ADGRV1: variants seen among roughly 807,000 people sequenced by gnomAD.
The protein encoded by ADGRV1 is G-protein coupled receptor 98.
In ADGRV1, 359 loss-of-function variants were observed where a neutral mutation model predicts 596.2. That is an observed-to-expected ratio of 0.60 (90% CI 0.55 to 0.66). The LOEUF (loss-of-function observed/expected upper bound fraction) is 0.66, where lower values mean the gene tolerates loss of function less well. Ranked by LOEUF, ADGRV1 falls within the 30% of genes least tolerant of loss-of-function variation. The probability of loss-of-function intolerance (pLI) is 0.00; values close to 1 mark genes in which losing one functional copy is unlikely to be tolerated. For synonymous variants in ADGRV1, 2,681 were observed against 2,679.2 expected, an observed-to-expected ratio of 1.00 and a Z score of -0.02; for missense variants, 7,274 against 7,575.6, an observed-to-expected ratio of 0.96 and a Z score of 1.48.
intron 85 of ADGRV1, among the ~76,000 whole-genome samples, chr5:91,050,653 G>A (rs1786236332): frequency 6.6e-6 from 1 of 152,088 alleles, no homozygotes; most frequent in Non-Finnish European, 1.5e-5. Flanking sequence ...GAACCCAGGA[G>A]TTCAAGACCA....
At chr5:90,782,309 A>G (rs1342466037) in intron 65 of ADGRV1, among the ~76,000 whole-genome samples, 1 of 151,998 alleles carries the variant, frequency 6.6e-6, no homozygotes, top group African/African-American at 2.4e-5. Context: ...AAGTTGTGGA[A>G]TACATCACTA....
At position 90,753,770 on chromosome 5, in the gene ADGRV1, CT is replaced by C; in HGVS notation, c.11322del (p.Phe3774LeufsTer15). The C allele has an allele frequency of 6.2e-7, 1 of 1,613,146 alleles. No individual in the cohort carries two copies. The highest frequency in any genetic ancestry group is 8.5e-7 in the Non-Finnish European group (1 of 1,179,494). On this transcript the variant is annotated frameshift_variant, in exon 54 of 90. Coordinates refer to ENST00000405460, the MANE Select transcript of ADGRV1 (RefSeq NM_032119.4). LOFTEE classifies it high-confidence loss of function. The stretch of plus-strand genomic sequence containing the variant: ...ATAACAACTTTGCCCAATGACTCAC[CT>C]TTTGGCTTGGTGGGCTGGCGTGCTG... The part of the protein sequence containing the change: ...SVITTLPNDS[P>X]FGLVGWRAAS...
intron 21 of ADGRV1, among the ~76,000 whole-genome samples, chr5:90,669,158 GCCTTAAAGCCATACT>G (rs1772055493): frequency 6.6e-6 from 1 of 152,180 alleles, no homozygotes; most frequent in African/African-American, 2.4e-5. Context: ...GGACTGCTTG[GCCTTAAAGCCATACT>G]CTTTCCACCA....
In ADGRV1 at chr5:91,107,904, G is replaced by C. The variant is rs1213191752; in HGVS notation, c.18432+5564G>C. ...GAAAGGAGGACTGTGACACATAATA[G>C]TATATGTCACTGGTACATATAAGAA... On this transcript the variant is annotated intron_variant, in intron 87 of 89. Transcript: ENST00000405460. Among the ~76,000 whole-genome samples, 3 of 152,140 alleles carry C rather than the reference G, an allele frequency of 2.0e-5. No homozygotes were observed. In the South Asian group the frequency reaches 6.2e-4, roughly 31 times the overall value.
At chr5:90,939,889 TAA>T (rs1776025644) in intron 83 of ADGRV1, among the ~76,000 whole-genome samples, 2 of 152,168 alleles carry the variant, frequency 1.3e-5, no homozygotes, top group African/African-American at 4.8e-5. Flanking sequence ...CTGGAGAGAT[TAA>T]GAGAGATTAG....
At chr5:90,814,309 A>G (rs74540767) in intron 74 of ADGRV1, among the ~76,000 whole-genome samples, 1 of 152,170 alleles carries the variant, frequency 6.6e-6, no homozygotes, top group African/African-American at 2.4e-5. Context: ...GATGACTACT[A>G]GTTCTTCCCT....
chr5:90,574,056 C>T (rs1242288992), intron 1 of ADGRV1, among the ~76,000 whole-genome samples: 1 of 152,020 alleles, frequency 6.6e-6, no homozygotes, highest in Non-Finnish European at 1.5e-5. Flanking sequence ...GTTACTGTGG[C>T]TTTATAGTAT....
At chr5:90,876,439 A>G (rs1402418488) in intron 83 of ADGRV1, among the ~76,000 whole-genome samples, 2 of 152,156 alleles carry the variant, frequency 1.3e-5, no homozygotes, top group African/African-American at 4.8e-5. Flanking sequence ...TCTTCACTTC[A>G]CAGGAGGACA....
rs1581088023 is a variant in ADGRV1 at position 90,776,557 on chromosome 5, A to G, written c.12508A>G (p.Asn4170Asp). ...ILIGEPSAKY[N>D]GTAIISLVRG... Reference sequence around the variant, plus strand: ...CATTGGGGAACCCTCAGCAAAATATAATGGTACCGCTATTATCAGGTAAGG... The same window carrying G: ...CATTGGGGAACCCTCAGCAAAATATGATGGTACCGCTATTATCAGGTAAGG... The change falls in exon 61 of 90, where the codon AAT becomes GAT. Residue 4170 changes from asparagine to aspartate, a missense_variant. Physicochemically the swap from Asn to Asp is conservative, Grantham distance 23 (BLOSUM62 1). Around this residue, in one of 5 missense-constraint regions of ADGRV1, gnomAD observed 3,643 missense variants for 3,809.2 expected, o/e 0.96. Transcript: ENST00000405460. 1 of 1,613,238 alleles carries G rather than the reference A, an allele frequency of 6.2e-7. No homozygotes were observed. Among genetic ancestry groups the G allele is most frequent in the South Asian group, 1.1e-5 (1 of 91,080 alleles).
chr5:90,744,977 C>A, intron 50 of ADGRV1, 69 bp from the exon 51 acceptor site: 2 of 1,084,726 alleles, frequency 1.8e-6, no homozygotes, highest in South Asian at 1.5e-5. Flanking sequence ...TGCTTTGGAA[C>A]CGATGCAGGG....
intron 35 of ADGRV1, among the ~76,000 whole-genome samples, chr5:90,704,101 C>G (rs1254200937): frequency 6.6e-6 from 1 of 152,120 alleles, no homozygotes; most frequent in Non-Finnish European, 1.5e-5. Flanking sequence ...GTTGTAGAAA[C>G]CTCTCCAACT....
intron 75 of ADGRV1, among the ~76,000 whole-genome samples, chr5:90,816,779 TA>T (rs1388738978): frequency 6.6e-6 from 1 of 151,874 alleles, no homozygotes; most frequent in Non-Finnish European, 1.5e-5. Context: ...CCATGGTGTA[TA>T]TGTGCCACAT....
intron 31 of ADGRV1, 67 bp from the exon 32 acceptor site, chr5:90,692,535 TCCC>T: frequency 8.1e-7 from 1 of 1,239,750 alleles, no homozygotes; most frequent in Non-Finnish European, 1.1e-6. Context: ...TTGATTTTTT[TCCC>T]TTGAATCATT....
At chr5:90,943,956 TA>T (rs1216015233) in intron 83 of ADGRV1, among the ~76,000 whole-genome samples, 1 of 152,172 alleles carries the variant, frequency 6.6e-6, no homozygotes, top group African/African-American at 2.4e-5. Flanking sequence ...AATTGAGGTG[TA>T]GGGGGGGCAC....
intron 77 of ADGRV1, 41 bp from the exon 78 acceptor site, chr5:90,840,537 G>A: frequency 1.3e-6 from 2 of 1,492,406 alleles, no homozygotes; most frequent in Non-Finnish European, 1.8e-6. Flanking sequence ...CAAGATCAGA[G>A]GTGTCATAGA....
chr5:91,067,736 G>A (rs1378270401), intron 85 of ADGRV1, among the ~76,000 whole-genome samples: 1 of 152,170 alleles, frequency 6.6e-6, no homozygotes, highest in Non-Finnish European at 1.5e-5. Context: ...AAATAAGGCA[G>A]TGAAACCTAC....
intron 1 of ADGRV1, among the ~76,000 whole-genome samples, chr5:90,612,569 A>G (rs1006276014): frequency 1.3e-5 from 2 of 152,050 alleles, no homozygotes; most frequent in Non-Finnish European, 2.9e-5. Context: ...TCTCAGCTAT[A>G]AAATGGTACT....
chr5:90,760,275 C>CAA lies in ADGRV1; in HGVS notation c.12120+704_12120+705dup, dbSNP rs5869517. Among the ~76,000 whole-genome samples the CAA allele has an allele frequency of 6.7e-3, 517 of 77,438 alleles. 1 individual carries two copies. The highest frequency in any genetic ancestry group is 0.03 in the South Asian group (69 of 2,308). 50.8% of individuals were successfully genotyped at this position (77,438 alleles called of 152,430 possible). ...TGGGCAACAGAGTGAGACTTCGTCT[C>CAA]AAAAAAAAAAAAAAAAAAGGAAAGA... On this transcript the variant is annotated intron_variant, in intron 58 of 89. Transcript: ENST00000405460.
chr5:90,975,322 A>G (rs1041039400), intron 84 of ADGRV1, among the ~76,000 whole-genome samples: 1 of 152,108 alleles, frequency 6.6e-6, no homozygotes, highest in African/African-American at 2.4e-5. Flanking sequence ...AACTAGAAAT[A>G]CCATTTGACC....
Sources: allele counts gnomAD v4.1 joint callset (sites outside exome capture counted in the v4.1 genomes callset), GRCh38; gene constraint gnomAD v4.1.1; regional missense constraint gnomAD v4.1.1; transcripts MANE v1.5; gene names NCBI Gene and HGNC (gene_info 2026-07-23, HGNC 2026-07-21).